Variants in USP50 observed in about 807,000 individuals in gnomAD.
USP50 encodes the protein ubiquitin carboxyl-terminal hydrolase 50.
In USP50, 37 loss-of-function variants were observed where a neutral mutation model predicts 39.2. That is an observed-to-expected ratio of 0.94 (90% CI 0.73 to 1.24). The LOEUF (loss-of-function observed/expected upper bound fraction) is 1.24. Among genes scored for constraint, USP50 ranks in the 50% most tolerant of loss-of-function variants. USP50 has a pLI of 0.00. For synonymous variants in USP50, 139 were observed against 144.5 expected, an observed-to-expected ratio of 0.96 and a Z score of 0.27; for missense variants, 374 against 398.2, an observed-to-expected ratio of 0.94 and a Z score of 0.52.
At chr15:50,519,783 A>T (rs1328226676) in intron 6 of USP50, among the ~76,000 whole-genome samples, 2 of 152,146 alleles carry the variant, frequency 1.3e-5, no homozygotes, top group African/African-American at 4.8e-5. Context: ...GAAAAATAAC[A>T]AATACTGGCA....
At chr15:50,544,511 CA>C in intron 2 of USP50, 75 bp downstream of exon 2, 1 of 1,393,790 alleles carries the variant, frequency 7.2e-7, no homozygotes, top group Non-Finnish European at 9.8e-7. Flanking sequence ...ATAGGGATTC[CA>C]GAGTTCCTTC....
rs112155034 is a variant in USP50 at position 50,529,817 on chromosome 15, A to AT, written c.915dup (p.Tyr306IlefsTer12). The AT allele has an allele frequency of 3.2e-3, 5,141 of 1,613,880 alleles. 151 individuals are homozygous for AT. In the African/African-American group the frequency reaches 0.058, roughly 18 times the overall value. On this transcript the variant is annotated frameshift_variant, in exon 6 of 7. Coordinates refer to ENST00000532404, the MANE Select transcript of USP50 (RefSeq NM_203494.5). LOFTEE classifies it high-confidence loss of function. ...CTCACCACCACTGCACAGAGGTTGT[A>AT]TTTAGGATATTTCCGGAAAATTGAG...
chr15:50,495,850 T>G, downstream of USP50: 1 of 1,608,136 alleles, frequency 6.2e-7, no homozygotes, highest in African/African-American at 1.3e-5. Flanking sequence ...ATTTCCAGGC[T>G]GATAATCGGA....
Position 50,529,891 on chromosome 15 carries a change from G to T in USP50, c.842C>A (p.Thr281Lys), listed in dbSNP as rs557823387. The change falls in exon 6 of 7, where the codon ACG becomes AAG. Residue 281 changes from threonine to lysine, a missense_variant. Physicochemically the swap from Thr to Lys is moderately conservative, Grantham distance 78. Transcript: ENST00000532404. ...IQGTTKRKLRTDIHYPLTNLD... is the reference protein window; with the variant it reads ...IQGTTKRKLRKDIHYPLTNLD... ...GTTAGTGAGTGGGTAATGAATATCC[G>T]TTCTCAGCTTCCTTTTTGTTGTACC... is the stretch of plus-strand genomic sequence containing the variant. The T allele has an allele frequency of 1.9e-6, 3 of 1,613,956 alleles. No homozygotes were observed. The highest frequency in any genetic ancestry group is 2.5e-6 in the Non-Finnish European group (3 of 1,179,874).
intron 6 of USP50, among the ~76,000 whole-genome samples, chr15:50,520,096 A>G (rs1021755249): frequency 5.9e-5 from 9 of 152,164 alleles, no homozygotes; most frequent in Admixed American, 1.3e-4. Flanking sequence ...ACTTGAGGCC[A>G]GTAATTGGAG....
At chr15:50,542,969 T>C (rs1003773034) in intron 3 of USP50, among the ~76,000 whole-genome samples, 2 of 152,160 alleles carry the variant, frequency 1.3e-5, no homozygotes, top group African/African-American at 4.8e-5. Flanking sequence ...AGAATGTGGG[T>C]CTCAGACCAA....
intron 6 of USP50, 124 bp from the exon 7 acceptor site, chr15:50,500,961 A>G: frequency 1.2e-6 from 1 of 836,700 alleles, no homozygotes; most frequent in Non-Finnish European, 1.9e-6. Flanking sequence ...GGAAGTGATA[A>G]TTTTGTTGTT....
chr15:50,515,905 T>G (rs2052799853), intron 6 of USP50, among the ~76,000 whole-genome samples: 1 of 152,100 alleles, frequency 6.6e-6, no homozygotes, highest in East Asian at 1.9e-4. Context: ...ACAGGAGAAA[T>G]GATAGATACT....
intron 6 of USP50, among the ~76,000 whole-genome samples, chr15:50,516,113 T>G (rs2052801580): frequency 6.6e-6 from 1 of 152,164 alleles, no homozygotes; most frequent in Non-Finnish European, 1.5e-5. Context: ...ATGTTTTATG[T>G]TATCCCCATG....
Position 50,494,371 on chromosome 15 carries a change from G to A in USP50, n.185-241C>T, listed in dbSNP as rs2052291829. On this transcript the variant is annotated intron_variant and non_coding_transcript_variant, in intron 1 of 1. Coordinates refer to the USP50 transcript ENST00000560159. The stretch of plus-strand genomic sequence containing the variant: ...ATAGCAGTTTAAAATTCTAGTTGGT[G>A]ATAGTTCAGTGCTTGTTTATTCAAA... 6 of 1,087,388 alleles carry A rather than the reference G, an allele frequency of 5.5e-6. No individual in the cohort carries two copies. The East Asian group carries it at 1.5e-4, about 27-fold the overall frequency. The allele number at this position is 1,087,388 out of a possible 1,614,324, so 67.4% of individuals were successfully genotyped here. A position where few individuals can be genotyped will look rare whatever the true frequency, so the allele number is the denominator to read the frequency against.
intron 5 of USP50, chr15:50,531,903 A>G (rs1268239896): frequency 3.7e-6 from 1 of 268,754 alleles, no homozygotes; most frequent in Non-Finnish European, 7.5e-6. Flanking sequence ...AACCGAAAGG[A>G]AAATAAACAG....
At chr15:50,506,720 G>A (rs2052664045) in intron 6 of USP50, 2 of 152,104 alleles carry the variant, frequency 1.3e-5, no homozygotes, top group African/African-American at 2.4e-5. Flanking sequence ...AGCACTTGGG[G>A]AGGCCGAGGG....
chr15:50,527,912 T>C (rs1379303995), intron 6 of USP50, among the ~76,000 whole-genome samples: 1 of 152,022 alleles, frequency 6.6e-6, no homozygotes, highest in African/African-American at 2.4e-5. Flanking sequence ...GCTGGGATTA[T>C]AGATGTGAGC....
At chr15:50,536,472 C>A (rs2052981246) in intron 5 of USP50, among the ~76,000 whole-genome samples, 2 of 152,064 alleles carry the variant, frequency 1.3e-5, no homozygotes, top group Non-Finnish European at 2.9e-5. Context: ...GAAACCCTGT[C>A]TCTACTGAAA....
At chr15:50,543,198 G>A (rs777268789) in intron 3 of USP50, among the ~76,000 whole-genome samples, 17 of 152,122 alleles carry the variant, frequency 1.1e-4, no homozygotes, top group Non-Finnish European at 2.2e-4. Flanking sequence ...AAGCTATAAA[G>A]TTCTATATGT....
intron 6 of USP50, chr15:50,504,304 C>A (rs2052628546): frequency 6.6e-6 from 1 of 152,220 alleles, no homozygotes; most frequent in South Asian, 2.1e-4. Context: ...GGTGGGCAGA[C>A]TGCTTGAGCC....
Position 50,500,787 on chromosome 15 carries a change from A to G in USP50, c.987T>C (p.Asn329=). 6.3e-7 allele frequency: 1 copy of G among 1,590,022 alleles called. No individual in the cohort carries two copies. The highest frequency in any genetic ancestry group is 8.6e-7 in the Non-Finnish European group (1 of 1,167,728). The change falls in exon 7 of 7, where the codon AAT becomes AAC. Residue 329 remains asparagine, a synonymous_variant. Coordinates refer to ENST00000532404, the MANE Select transcript of USP50 (RefSeq NM_203494.5). The stretch of plus-strand genomic sequence containing the variant: ...AGCTATATCAGGCCTGGGTGACTGA[A>G]TTCTTGCAGAAAGCAGTGTAGTGGC... ...DGGHYTAFCK[N]SVTQA
At chr15:50,520,079 G>A (rs1218252324) in intron 6 of USP50, among the ~76,000 whole-genome samples, 1 of 151,888 alleles carries the variant, frequency 6.6e-6, no homozygotes, top group East Asian at 1.9e-4. Flanking sequence ...TCAAGACAAG[G>A]AGGATCACTT....
At chr15:50,532,824 A>C (rs890609548) in intron 5 of USP50, among the ~76,000 whole-genome samples, 1 of 152,208 alleles carries the variant, frequency 6.6e-6, no homozygotes, top group Non-Finnish European at 1.5e-5. Flanking sequence ...GAAATGCTAG[A>C]GGTATCCTTG....
Sources: gnomAD v4.1 joint callset for allele counts (sites outside exome capture counted in the v4.1 genomes callset) on GRCh38, gnomAD v4.1.1 for gene constraint, MANE v1.5 for transcripts, NCBI Gene and HGNC (gene_info 2026-07-23, HGNC 2026-07-21) for gene names.